Variants in TCF4 observed in about 807,000 individuals in gnomAD.
The protein encoded by TCF4 is SL3-3 enhancer factor 2.
A neutral mutation model predicts 82.1 loss-of-function variants in TCF4; 3 were observed. The ratio of observed to expected loss-of-function variants is 0.04; its 90% CI spans 0.02 to 0.09. TCF4 has a LOEUF of 0.09. Among genes scored for constraint, TCF4 ranks in the 10% least tolerant of loss-of-function variants. The pLI, the probability that TCF4 is intolerant of heterozygous loss-of-function variation, is 1.00. For synonymous variants in TCF4, 276 were observed against 309.6 expected, an observed-to-expected ratio of 0.89 and a Z score of 1.14; for missense variants, 518 against 852.7, an observed-to-expected ratio of 0.61 and a Z score of 4.89.
intron 5 of TCF4, among the ~76,000 whole-genome samples, chr18:55,426,310 C>A (rs996658926): frequency 6.6e-6 from 1 of 152,072 alleles, no homozygotes; most frequent in Non-Finnish European, 1.5e-5. Context: ...AGCCACAGAT[C>A]ATCCAAAACT....
chr18:55,616,037 T>C (rs1304339659), intron 2 of TCF4, among the ~76,000 whole-genome samples: 1 of 152,118 alleles, frequency 6.6e-6, no homozygotes, highest in Non-Finnish European at 1.5e-5. Flanking sequence ...ACATAGAGTA[T>C]TGTGAACTAT....
chr18:55,260,677 G>A (rs2057865725), intron 12 of TCF4, among the ~76,000 whole-genome samples: 1 of 152,108 alleles, frequency 6.6e-6, no homozygotes, highest in Admixed American at 6.6e-5. Flanking sequence ...TCCTGCCTCA[G>A]TCTCCGGAGT....
At chr18:55,337,288 T>C (rs550321080) in intron 8 of TCF4, among the ~76,000 whole-genome samples, 6 of 152,320 alleles carry the variant, frequency 3.9e-5, no homozygotes, top group African/African-American at 1.4e-4. Flanking sequence ...ATCTTACTGA[T>C]ATCTTATATA....
intron 8 of TCF4, among the ~76,000 whole-genome samples, chr18:55,296,400 G>A (rs934533225): frequency 2.6e-5 from 4 of 152,194 alleles, no homozygotes; most frequent in African/African-American, 9.7e-5. Flanking sequence ...TGAGTGCAAT[G>A]TGGGAAAGAG....
At chr18:55,412,280 G>T (rs2094378361) in intron 5 of TCF4, among the ~76,000 whole-genome samples, 1 of 151,776 alleles carries the variant, frequency 6.6e-6, no homozygotes, top group African/African-American at 2.4e-5. Context: ...TACATTTCAT[G>T]GGTTAGAGAA....
intron 8 of TCF4, among the ~76,000 whole-genome samples, chr18:55,336,796 C>G (rs2078736199): frequency 6.6e-6 from 1 of 152,052 alleles, no homozygotes; most frequent in African/African-American, 2.4e-5. Flanking sequence ...GGTGTAAATA[C>G]TTCCAAGGGT....
At chr18:55,306,337 A>T (rs1244570699) in intron 8 of TCF4, among the ~76,000 whole-genome samples, 1 of 152,212 alleles carries the variant, frequency 6.6e-6, no homozygotes, top group Non-Finnish European at 1.5e-5. Flanking sequence ...TGACTTTCTT[A>T]TAAAAGAACC....
intron 8 of TCF4, among the ~76,000 whole-genome samples, chr18:55,328,098 A>T (rs188956374): frequency 2.6e-4 from 40 of 152,294 alleles, no homozygotes; most frequent in Admixed American, 2.6e-3. Flanking sequence ...CCAAGTAGCA[A>T]GACCAGAATA....
At chr18:55,569,046 T>C (rs1298738032) in intron 3 of TCF4, among the ~76,000 whole-genome samples, 1 of 152,204 alleles carries the variant, frequency 6.6e-6, no homozygotes, top group African/African-American at 2.4e-5. Flanking sequence ...TACCTGTTCA[T>C]GATAAAAACT....
intron 6 of TCF4, among the ~76,000 whole-genome samples, chr18:55,371,971 C>A (rs1265674325): frequency 3.9e-5 from 6 of 152,110 alleles, no homozygotes; most frequent in Non-Finnish European, 7.4e-5. Context: ...TGACTTATAA[C>A]CTCTCAGTTT....
chr18:55,399,678 A>C (rs1329361706), intron 6 of TCF4, among the ~76,000 whole-genome samples: 1 of 152,208 alleles, frequency 6.6e-6, no homozygotes, highest in Non-Finnish European at 1.5e-5. Flanking sequence ...TATGTTGAAC[A>C]CAAGTCATTA....
At chr18:55,412,689 G>A (rs2094396662) in intron 5 of TCF4, among the ~76,000 whole-genome samples, 1 of 152,174 alleles carries the variant, frequency 6.6e-6, no homozygotes, top group Admixed American at 6.5e-5. Flanking sequence ...TGACATTTCT[G>A]GCTGAATGTA....
chr18:55,534,522 A>G (rs1381499695), intron 3 of TCF4, among the ~76,000 whole-genome samples: 1 of 147,930 alleles, frequency 6.8e-6, no homozygotes, highest in Non-Finnish European at 1.5e-5. Flanking sequence ...CAAAAGACAA[A>G]GCTTAGGCTT....
chr18:55,559,256 C>G (rs1004481755), intron 3 of TCF4, among the ~76,000 whole-genome samples: 1 of 151,626 alleles, frequency 6.6e-6, no homozygotes. Flanking sequence ...TTAGCATATG[C>G]CTTTTAAGAC....
At chr18:55,440,727 T>C (rs2095423478) in intron 5 of TCF4, among the ~76,000 whole-genome samples, 2 of 152,218 alleles carry the variant, frequency 1.3e-5, no homozygotes, top group South Asian at 2.1e-4. Flanking sequence ...CCTGTAATCA[T>C]GCCAGTCTCC....
intron 3 of TCF4, among the ~76,000 whole-genome samples, chr18:55,559,924 G>A (rs988376854): frequency 6.6e-6 from 1 of 152,138 alleles, no homozygotes; most frequent in Non-Finnish European, 1.5e-5. Context: ...GGGGTGGGGA[G>A]TATAAAGTGC....
intron 6 of TCF4, among the ~76,000 whole-genome samples, chr18:55,394,064 G>A (rs563993832): frequency 1.3e-5 from 2 of 152,154 alleles, no homozygotes; most frequent in South Asian, 4.1e-4. Context: ...TGATGGGGAG[G>A]GCATTGTTCC....
At chr18:55,380,052 C>A (rs1016342162) in intron 6 of TCF4, among the ~76,000 whole-genome samples, 30 of 152,074 alleles carry the variant, frequency 2.0e-4, no homozygotes, top group African/African-American at 7.2e-4. Context: ...ATTTTGTTTT[C>A]TTTTTTTCAG....
intron 8 of TCF4, among the ~76,000 whole-genome samples, chr18:55,338,598 T>C (rs1417813144): frequency 1.3e-5 from 2 of 152,200 alleles, no homozygotes; most frequent in East Asian, 1.9e-4. Context: ...AAACATCAGG[T>C]TTCCTTCTTT....
Sources: gnomAD v4.1 joint callset for allele counts (sites outside exome capture counted in the v4.1 genomes callset) on GRCh38, gnomAD v4.1.1 for gene constraint, MANE v1.5 for transcripts, NCBI Gene and HGNC (gene_info 2026-07-23, HGNC 2026-07-21) for gene names.